PP2D1: variants seen among roughly 807,000 people sequenced by gnomAD.
PP2D1 encodes the protein protein phosphatase 2C-like domain-containing protein 1.
Under a neutral mutation model 30.2 loss-of-function variants are expected in PP2D1, and 25 were observed. The ratio of observed to expected loss-of-function variants is 0.83; its 90% CI spans 0.60 to 1.16. The LOEUF is 1.16. Ranked by LOEUF, PP2D1 falls within the 50% of genes most tolerant of loss-of-function variation. The pLI is 0.00. For missense variants in PP2D1, 760 were observed against 742.4 expected (o/e 1.02, Z -0.28); for synonymous variants, 260 against 258.9 (o/e 1.00, Z -0.04).
downstream of PP2D1, among the ~76,000 whole-genome samples, chr3:19,981,830 C>T (rs573829295): frequency 3.9e-4 from 60 of 152,098 alleles, no homozygotes; most frequent in Non-Finnish European, 7.5e-4. Context: ...TGACAAGCCA[C>T]ACTCATCGGA....
intron 1 of PP2D1, 54 bp downstream of exon 1, chr3:20,011,996 T>TA (rs1697393904): frequency 7.4e-7 from 1 of 1,344,244 alleles, no homozygotes; most frequent in Admixed American, 2.1e-5. Context: ...ATACTGTAGA[T>TA]ATAATTACTC....
At chr3:20,005,293 C>T (rs1396411022) in intron 1 of PP2D1, among the ~76,000 whole-genome samples, 6 of 151,954 alleles carry the variant, frequency 3.9e-5, no homozygotes, top group African/African-American at 1.2e-4. Flanking sequence ...GCTGGGATTA[C>T]AGGCATGCAC....
chr3:20,009,318 TG>T (rs1332250187), intron 1 of PP2D1, among the ~76,000 whole-genome samples: 1 of 151,878 alleles, frequency 6.6e-6, no homozygotes, highest in Non-Finnish European at 1.5e-5. Context: ...AAAAATTAAC[TG>T]GGCATAGTGG....
rs1025588833 is a variant in PP2D1 at position 19,985,667 on chromosome 3, C to A, written c.1606G>T (p.Asp536Tyr). 3.3e-6 allele frequency: 5 copies of A among 1,535,584 alleles called. No individual in the cohort carries two copies. The highest frequency in any genetic ancestry group is 3.5e-6 in the Non-Finnish European group (4 of 1,146,622). Residue 536 changes from aspartate to tyrosine, a missense_variant, in exon 3 of 3, where the codon GAT (aspartate) becomes TAT (tyrosine). By Grantham distance (160) the Asp-to-Tyr change is radical (BLOSUM62 -3). This residue lies in a region of PP2D1 where 369 missense variants were observed against 316.2 expected (regional missense o/e 1.17). Coordinates refer to ENST00000389050, the MANE Select transcript of PP2D1 (RefSeq NM_001252657.2). ...ATACAGTATTTAGAATAGTTTGAATCGGATAAATTTTCTTTGGAATTTGTA... is the reference window on the plus strand; with the variant it reads ...ATACAGTATTTAGAATAGTTTGAATAGGATAAATTTTCTTTGGAATTTGTA... ...STTNSKENLS[D>Y]SNYSKYCIYN...
At chr3:20,003,869 A>G (rs2948104) in intron 1 of PP2D1, among the ~76,000 whole-genome samples, 32,594 of 152,164 alleles carry the variant, frequency 0.21, 3,873 homozygotes, top group South Asian at 0.32. Flanking sequence ...CAGCTGTACA[A>G]TGTTTTTGTC....
intron 2 of PP2D1, among the ~76,000 whole-genome samples, chr3:19,986,479 C>CT (rs1187532755): frequency 6.6e-6 from 1 of 152,150 alleles, no homozygotes; most frequent in Non-Finnish European, 1.5e-5. Flanking sequence ...AATGAAATGA[C>CT]TTAATATTAC....
chr3:20,001,275 G>C lies in PP2D1; in HGVS notation c.845C>G (p.Thr282Arg). 1 of 1,536,116 alleles carries C rather than the reference G, an allele frequency of 6.5e-7. No homozygotes were observed. The highest frequency in any genetic ancestry group is 8.7e-7 in the Non-Finnish European group (1 of 1,146,894). The change falls in exon 2 of 3, where the codon ACA becomes AGA. Residue 282 changes from threonine (T) to arginine (R), a missense_variant. Physicochemically the swap from Thr to Arg is moderately conservative, Grantham distance 71. Around this residue, in one of 3 missense-constraint regions of PP2D1, gnomAD observed 374 missense variants for 388.8 expected, o/e 0.96. Transcript: ENST00000389050. ...AAATGCTTTTGCAAAGGCTTTGTGT[G>C]TGTCCTCATACTCACACCTCACTGC... is the stretch of plus-strand genomic sequence containing the variant. ...TEAVRCEYED[T>R]HKAFAKAFWR...
chr3:19,985,338 A>C (rs1383285049), downstream of PP2D1: 6 of 1,305,866 alleles, frequency 4.6e-6, no homozygotes, highest in African/African-American at 8.9e-5. Context: ...TTGAAGAATC[A>C]CTTTATATTT....
At position 19,986,019 on chromosome 3, in the gene PP2D1, T is replaced by C. The variant is rs528353031; in HGVS notation, c.1254A>G (p.Arg418=). The stretch of plus-strand genomic sequence containing the variant: ...TGAGATTTCCATGAAATCCAAGTCC[T>C]CGTGTAGTTTTTACTTGCCCCTCTA... ...GLVEGQVKTT[R]GLGFHGNLKL... Residue 418 remains arginine, a synonymous_variant, in exon 3 of 3, where the codon CGA becomes CGG. Transcript: ENST00000389050. The C allele has an allele frequency of 3.3e-6, 5 of 1,536,116 alleles. No homozygotes were observed. Among genetic ancestry groups the C allele is most frequent in the Admixed American group, 3.9e-5 (2 of 51,002 alleles).
intron 2 of PP2D1, among the ~76,000 whole-genome samples, chr3:19,992,753 G>T (rs116254999): frequency 5.3e-4 from 80 of 152,288 alleles, no homozygotes; most frequent in African/African-American, 1.9e-3. Flanking sequence ...GCTTTGATGA[G>T]CTTTAGTCTT....
intron 2 of PP2D1, among the ~76,000 whole-genome samples, chr3:19,987,138 T>C (rs938529590): frequency 6.6e-6 from 1 of 151,988 alleles, no homozygotes; most frequent in Non-Finnish European, 1.5e-5. Flanking sequence ...GAAACTGAAA[T>C]CTTAAAAGTT....
intron 2 of PP2D1, 126 bp downstream of exon 2, chr3:20,000,904 T>A: frequency 2.2e-6 from 1 of 446,826 alleles, no homozygotes. Flanking sequence ...CTTATATTGA[T>A]CAATGCAATT....
intron 2 of PP2D1, among the ~76,000 whole-genome samples, chr3:19,992,072 AT>A (rs1314660550): frequency 3.9e-5 from 6 of 152,170 alleles, no homozygotes; most frequent in Non-Finnish European, 8.8e-5. Context: ...AAGAGGCTGA[AT>A]TTGTTTAATT....
In PP2D1 at chr3:20,012,208, G is replaced by T; in HGVS notation, c.-136C>A. The T allele has an allele frequency of 1.5e-6, 1 of 687,016 alleles. No homozygotes were observed. Among genetic ancestry groups the T allele is most frequent in the Non-Finnish European group, 2.5e-6 (1 of 404,446 alleles). 42.6% of individuals were successfully genotyped at this position (687,016 alleles called of 1,614,324 possible). On this transcript the variant is annotated 5_prime_UTR_variant, in exon 1 of 3. Coordinates refer to ENST00000389050, the MANE Select transcript of PP2D1 (RefSeq NM_001252657.2). ...CTGTGGCAGAAGTAGTGGTGATGGT[G>T]ATGATAGCGATGGTGGGCATTCCCC...
At chr3:19,997,881 A>C (rs1018574881) in intron 2 of PP2D1, among the ~76,000 whole-genome samples, 3 of 152,086 alleles carry the variant, frequency 2.0e-5, no homozygotes, top group Admixed American at 2.0e-4. Context: ...GGGCAGGACG[A>C]GATAAAGTAA....
Position 20,008,539 on chromosome 3 carries a change from C to T in PP2D1, c.23+3511G>A, listed in dbSNP as rs147320004. Reference sequence around the variant, plus strand: ...CCGAGATCACGCCATTGCACTCCAGCCCGGGCAACAAGAGTGAAACTCTGT... The same window carrying T: ...CCGAGATCACGCCATTGCACTCCAGTCCGGGCAACAAGAGTGAAACTCTGT... On this transcript the variant is annotated intron_variant, in intron 1 of 2. Transcript: ENST00000389050. Among the ~76,000 whole-genome samples the T allele has an allele frequency of 4.1e-3, 624 of 152,196 alleles. 6 individuals are homozygous for T. The highest frequency in any genetic ancestry group is 0.014 in the African/African-American group (584 of 41,512).
intron 2 of PP2D1, among the ~76,000 whole-genome samples, chr3:19,996,301 G>A (rs1400814201): frequency 6.6e-6 from 1 of 152,052 alleles, no homozygotes; most frequent in Non-Finnish European, 1.5e-5. Context: ...GAGACTATTT[G>A]AACAACTATA....
intron 2 of PP2D1, among the ~76,000 whole-genome samples, chr3:19,988,024 G>A (rs960000136): frequency 4.6e-5 from 7 of 152,080 alleles, no homozygotes; most frequent in African/African-American, 1.4e-4. Flanking sequence ...ATCTTCGTAA[G>A]CTGGGGTTGT....
intron 2 of PP2D1, among the ~76,000 whole-genome samples, chr3:19,989,161 C>CT (rs1697082498): frequency 6.6e-6 from 1 of 152,024 alleles, no homozygotes; most frequent in Admixed American, 6.6e-5. Flanking sequence ...TGGCGAAACT[C>CT]TGTCTCTACT....
Sources: gnomAD v4.1 joint callset for allele counts (sites outside exome capture counted in the v4.1 genomes callset) on GRCh38, gnomAD v4.1.1 for gene constraint, gnomAD v4.1.1 regional missense constraint, MANE v1.5 for transcripts, NCBI Gene and HGNC (gene_info 2026-07-23, HGNC 2026-07-21) for gene names.